Variants in CDH18 observed in about 807,000 individuals in gnomAD.
CDH18 encodes cadherin-18.
CDH18 carries 31 observed loss-of-function variants against 67.9 expected under a neutral mutation model. The ratio of observed to expected loss-of-function variants is 0.46; its 90% CI spans 0.34 to 0.62. The LOEUF is 0.62. CDH18 is among the 20% of genes least tolerant of loss of function. CDH18 has a pLI of 0.01. For synonymous variants in CDH18, 362 were observed against 347.2 expected, an observed-to-expected ratio of 1.04 and a Z score of -0.48; for missense variants, 890 against 975.5, an observed-to-expected ratio of 0.91 and a Z score of 1.17.
chr5:19,543,992 A>T lies in CDH18; in HGVS notation c.1267T>A (p.Tyr423Asn), dbSNP rs759186727. ...TNSLVRYFIN[Y>N]NVEDDRFFNI... ...AAAAATCTGTCGTCTTCAACATTGT[A>T]GTTGATGAAGTATCTAGAGAAAAAA... The change falls in exon 9 of 13, where the codon TAC (tyrosine) becomes AAC (asparagine). Residue 423 changes from tyrosine (Y) to asparagine (N), a missense_variant. Tyr to Asn is a moderately radical substitution (Grantham distance 143). Coordinates refer to ENST00000382275, the MANE Select transcript of CDH18 (RefSeq NM_004934.5). The T allele has an allele frequency of 6.4e-7, 1 of 1,563,230 alleles. No homozygotes were observed.
intron 3 of CDH18, among the ~76,000 whole-genome samples, chr5:19,775,395 G>A (rs1774240345): frequency 6.6e-6 from 1 of 152,182 alleles, no homozygotes; most frequent in Non-Finnish European, 1.5e-5. Flanking sequence ...AGGAAGCATA[G>A]AGGAATCTGC....
At chr5:20,350,447 A>G (rs1580809804) in intron 1 of CDH18, among the ~76,000 whole-genome samples, 1 of 152,276 alleles carries the variant, frequency 6.6e-6, no homozygotes, top group East Asian at 1.9e-4. Flanking sequence ...TCAATGTTAA[A>G]TGTATTCCAT....
intron 2 of CDH18, among the ~76,000 whole-genome samples, chr5:20,119,354 G>A (rs1411034363): frequency 2.6e-5 from 4 of 152,198 alleles, no homozygotes; most frequent in African/African-American, 9.6e-5. Flanking sequence ...CTGTGCATCT[G>A]TGGTATTTTT....
intron 5 of CDH18, among the ~76,000 whole-genome samples, chr5:19,715,508 C>T (rs996923944): frequency 1.3e-5 from 2 of 152,056 alleles, no homozygotes; most frequent in African/African-American, 4.8e-5. Context: ...ACTGTCAATT[C>T]CGAAGATAAA....
intron 4 of CDH18, among the ~76,000 whole-genome samples, chr5:19,737,258 T>C (rs1768467780): frequency 2.6e-5 from 4 of 152,172 alleles, no homozygotes; most frequent in South Asian, 4.1e-4. Flanking sequence ...GTGTAGTCAT[T>C]CTATACCCAA....
chr5:19,685,498 T>C (rs1201227152), intron 5 of CDH18, among the ~76,000 whole-genome samples: 1 of 152,178 alleles, frequency 6.6e-6, no homozygotes, highest in Non-Finnish European at 1.5e-5. Context: ...CTCCCACCCT[T>C]TCCCTCATGG....
chr5:19,727,836 A>G (rs973786323), intron 4 of CDH18, among the ~76,000 whole-genome samples: 8 of 152,188 alleles, frequency 5.3e-5, no homozygotes, highest in African/African-American at 1.7e-4. Flanking sequence ...TGAATATCTG[A>G]TATTTTTGAA....
chr5:20,450,698 T>C (rs1750377625), intron 1 of CDH18, among the ~76,000 whole-genome samples: 2 of 152,304 alleles, frequency 1.3e-5, no homozygotes, highest in South Asian at 4.1e-4. Flanking sequence ...ACTAGTCAGT[T>C]TTTTGTCACC....
chr5:19,904,797 C>A (rs1790358535), intron 2 of CDH18, among the ~76,000 whole-genome samples: 1 of 152,058 alleles, frequency 6.6e-6, no homozygotes, highest in African/African-American at 2.4e-5. Context: ...ATTACTTTCC[C>A]AAATTTATAA....
At chr5:19,549,698 GA>G (rs1476192983) in intron 8 of CDH18, among the ~76,000 whole-genome samples, 1 of 141,382 alleles carries the variant, frequency 7.1e-6, no homozygotes, top group Non-Finnish European at 1.5e-5. Flanking sequence ...GCGAAAGAAA[GA>G]AGAAAGAAAG....
intron 2 of CDH18, among the ~76,000 whole-genome samples, chr5:20,017,760 G>GA (rs2150426204): frequency 6.6e-6 from 1 of 152,222 alleles, no homozygotes; most frequent in South Asian, 2.1e-4. Flanking sequence ...ATGTAAATCA[G>GA]AAAAAATGGA....
At chr5:20,203,761 A>G (rs1371032631) in intron 2 of CDH18, among the ~76,000 whole-genome samples, 4 of 152,122 alleles carry the variant, frequency 2.6e-5, no homozygotes, top group African/African-American at 9.7e-5. Flanking sequence ...ACCTCCCTAA[A>G]TGGAAAAATA....
At chr5:19,942,473 C>T (rs567349605) in intron 2 of CDH18, among the ~76,000 whole-genome samples, 13 of 152,034 alleles carry the variant, frequency 8.6e-5, no homozygotes, top group South Asian at 6.2e-4. Context: ...ATCAAGGGAG[C>T]GATATTCCTA....
chr5:19,756,195 A>G (rs563125924), intron 3 of CDH18, among the ~76,000 whole-genome samples: 10 of 152,218 alleles, frequency 6.6e-5, no homozygotes, highest in Non-Finnish European at 1.2e-4. Flanking sequence ...AACAATATTT[A>G]AGTGCTGATA....
chr5:19,838,220 A>G (rs908502264), intron 3 of CDH18, among the ~76,000 whole-genome samples: 6 of 152,160 alleles, frequency 3.9e-5, no homozygotes, highest in Non-Finnish European at 7.3e-5. Flanking sequence ...AAAAATATTC[A>G]TATGATTTTA....
At chr5:20,302,141 A>G (rs1735992770) in intron 1 of CDH18, among the ~76,000 whole-genome samples, 1 of 152,182 alleles carries the variant, frequency 6.6e-6, no homozygotes, top group South Asian at 2.1e-4. Flanking sequence ...TATATGATAC[A>G]CTTCATAGAT....
chr5:19,803,971 A>G (rs552440620), intron 3 of CDH18: 1 of 152,276 alleles, frequency 6.6e-6, no homozygotes, highest in Middle Eastern at 3.4e-3. Flanking sequence ...AATACAAAAA[A>G]TTAGCTGGGC....
chr5:20,167,014 A>G (rs887775246), intron 2 of CDH18, among the ~76,000 whole-genome samples: 6 of 152,192 alleles, frequency 3.9e-5, no homozygotes, highest in Non-Finnish European at 5.9e-5. Context: ...GAGAAATGAT[A>G]GCTTATTTTA....
chr5:19,701,861 G>A (rs1763288404), intron 5 of CDH18, among the ~76,000 whole-genome samples: 1 of 152,004 alleles, frequency 6.6e-6, no homozygotes, highest in Admixed American at 6.6e-5. Flanking sequence ...CTGGTACCAG[G>A]CTTCTTTCCC....
Sources: allele counts gnomAD v4.1 joint callset (sites outside exome capture counted in the v4.1 genomes callset), GRCh38; gene constraint gnomAD v4.1.1; transcripts MANE v1.5; gene names NCBI Gene and HGNC (gene_info 2026-07-23, HGNC 2026-07-21).